Variants in AIPL1 observed in about 807,000 individuals in gnomAD.
AIPL1 encodes the protein AIP like 1 HSP90 co-chaperone.
Under a neutral mutation model 32.9 loss-of-function variants are expected in AIPL1, and 23 were observed. The observed-to-expected ratio is 0.70, with a 90% confidence interval of 0.50 to 0.99. The LOEUF (loss-of-function observed/expected upper bound fraction) is 0.99, where lower values mean the gene tolerates loss of function less well. AIPL1 is among the 50% of genes least tolerant of loss of function. The pLI, the probability that AIPL1 is intolerant of heterozygous loss-of-function variation, is 0.00. For missense variants in AIPL1, 485 were observed against 506.0 expected (o/e 0.96, Z 0.40); for synonymous variants, 210 against 209.4 (o/e 1.00, Z -0.02).
intron 5 of AIPL1, 117 bp downstream of exon 5, chr17:6,426,498 A>G: frequency 6.6e-7 from 1 of 1,523,804 alleles, no homozygotes; most frequent in Non-Finnish European, 8.8e-7. Context: ...GGCTGGGTGG[A>G]GACAAGGTTT....
chr17:6,430,694 G>A (rs1465095275), intron 2 of AIPL1, among the ~76,000 whole-genome samples: 3 of 152,144 alleles, frequency 2.0e-5, no homozygotes, highest in African/African-American at 7.2e-5. Context: ...TGTATCTTAT[G>A]GAGAGGGGGC....
chr17:6,429,250 A>G (rs1412547504), intron 2 of AIPL1, among the ~76,000 whole-genome samples: 1 of 152,122 alleles, frequency 6.6e-6, no homozygotes, highest in African/African-American at 2.4e-5. Flanking sequence ...AGTTTCCCCA[A>G]CTAGGCTCCC....
rs958469063 is a variant in AIPL1, at chr17:6,428,454, C to A, written c.329G>T (p.Gly110Val). ...CACGTGCCACTCTGTGGGGTCCTTG[C>A]CCTGGGCCATCTGCCTCAGGCTCCG... Reference protein sequence around the residue: ...LSRSLRQMAQGKDPTEWHVHT... With the variant: ...LSRSLRQMAQVKDPTEWHVHT... The change falls in exon 3 of 6, where the codon GGC becomes GTC. Residue 110 changes from glycine to valine, a missense_variant. Gly to Val is a moderately radical substitution (Grantham distance 109, BLOSUM62 -3). Coordinates refer to ENST00000381129, the MANE Select transcript of AIPL1 (RefSeq NM_014336.5). 6.2e-7 allele frequency: 1 copy of A among 1,613,876 alleles called. No homozygotes were observed. The highest frequency in any genetic ancestry group is 1.3e-5 in the African/African-American group (1 of 74,948).
rs545420958 is a variant in AIPL1 at position 6,434,449 on chromosome 17, C to G, written c.97-351G>C. On this transcript the variant is annotated intron_variant, in intron 1 of 5. Coordinates refer to ENST00000381129, the MANE Select transcript of AIPL1 (RefSeq NM_014336.5). Reference sequence around the variant, plus strand: ...TCTCGGCTCACTGCAACCTCCACCTCCTGGGCTCAAGTGATTCTCCTGCCT... The same window carrying G: ...TCTCGGCTCACTGCAACCTCCACCTGCTGGGCTCAAGTGATTCTCCTGCCT... Among the ~76,000 whole-genome samples the G allele has an allele frequency of 6.0e-5, 9 of 150,704 alleles. No individual in the cohort carries two copies. In the South Asian group the frequency reaches 1.3e-3, roughly 21 times the overall value.
chr17:6,427,184 C>G, intron 3 of AIPL1, 127 bp from the exon 4 acceptor site: 7 of 1,073,928 alleles, frequency 6.5e-6, no homozygotes, highest in Admixed American at 4.0e-5. Context: ...TGCATACAGA[C>G]AAGGGAAAGA....
intron 2 of AIPL1, among the ~76,000 whole-genome samples, chr17:6,430,329 A>T (rs976574443): frequency 1.3e-5 from 2 of 151,636 alleles, no homozygotes; most frequent in African/African-American, 4.8e-5. Context: ...GGTGGTGAGC[A>T]CCTATAATTC....
chr17:6,434,212 C>A, intron 1 of AIPL1, 114 bp from the exon 2 acceptor site: 1 of 1,234,488 alleles, frequency 8.1e-7, no homozygotes, highest in East Asian at 2.5e-5. Flanking sequence ...ACTCAGTTCA[C>A]CCCATCAGAT....
At chr17:6,431,697 G>A (rs973555548) in intron 2 of AIPL1, among the ~76,000 whole-genome samples, 2 of 152,204 alleles carry the variant, frequency 1.3e-5, no homozygotes, top group Non-Finnish European at 2.9e-5. Context: ...TAAAAGGTCA[G>A]TGGCCTCTGA....
Position 6,428,420 on chromosome 17 carries a change from G to A in AIPL1, c.363C>T (p.Cys121=), listed in dbSNP as rs765121760. 3.0e-5 allele frequency: 48 copies of A among 1,613,424 alleles called. No homozygotes were observed. The highest frequency in any genetic ancestry group is 8.3e-5 in the Admixed American group (5 of 60,014). Residue 121 remains cysteine, a synonymous_variant, in exon 3 of 6, where the codon TGC becomes TGT. Transcript: ENST00000381129. ...KDPTEWHVHT[C]GLANMFAYHT... ...GGTAGGCGAACATGTTGGCCAGCCC[G>A]CACGTGTGCACGTGCCACTCTGTGG... is the stretch of plus-strand genomic sequence containing the variant.
At chr17:6,429,350 C>G (rs891646652) in intron 2 of AIPL1, among the ~76,000 whole-genome samples, 2 of 152,240 alleles carry the variant, frequency 1.3e-5, no homozygotes, top group Admixed American at 1.3e-4. Context: ...AAACTCTATG[C>G]AGCAGTTCAG....
intron 2 of AIPL1, among the ~76,000 whole-genome samples, chr17:6,431,431 G>A (rs1195615690): frequency 6.6e-6 from 1 of 151,700 alleles, no homozygotes; most frequent in Non-Finnish European, 1.5e-5. Flanking sequence ...ACTCCAGCCT[G>A]GATGACAGAG....
chr17:6,428,279 G>T (rs899559926), intron 3 of AIPL1, 39 bp downstream of exon 3: 17 of 1,600,488 alleles, frequency 1.1e-5, no homozygotes, highest in Non-Finnish European at 1.4e-5. Context: ...CCTCTCCAGT[G>T]CTGGCACAGC....
chr17:6,433,578 G>T (rs1449431754), intron 2 of AIPL1, among the ~76,000 whole-genome samples: 1 of 116,106 alleles, frequency 8.6e-6, no homozygotes. Context: ...GTGACAGAGC[G>T]AGACCCTATC....
chr17:6,424,189 AG>A lies in AIPL1; in HGVS notation c.*1270del, dbSNP rs1352106718. The A allele has an allele frequency of 6.6e-6, 1 of 152,280 alleles. No individual in the cohort carries two copies. The highest frequency in any genetic ancestry group is 1.5e-5 in the Non-Finnish European group (1 of 68,080). 9.4% of individuals were successfully genotyped at this position (152,280 alleles called of 1,614,324 possible). A position where few individuals can be genotyped will look rare whatever the true frequency, so the allele number is the denominator to read the frequency against. On this transcript the variant is annotated 3_prime_UTR_variant, in exon 6 of 6. Coordinates refer to ENST00000381129, the MANE Select transcript of AIPL1 (RefSeq NM_014336.5). Reference sequence around the variant, plus strand: ...AGGCAGGCGGTGGAGCTTGGACACCAGACTAACTTGAAGATGAGCTAAAACA... The same window carrying A: ...AGGCAGGCGGTGGAGCTTGGACACCAACTAACTTGAAGATGAGCTAAAACA...
In AIPL1 at chr17:6,433,940, G is replaced by C. The variant is rs373283640; in HGVS notation, c.255C>G (p.Ala85=). Residue 85 remains alanine (A), a synonymous_variant, in exon 2 of 6, where the codon GCC becomes GCG. Transcript: ENST00000381129. ...TTACGATGGTGTCGCACCAGAACTC[G>C]GCCACCTCGTGCACCCGCATGGAGG... ...LLTSMRVHEV[A]EFWCDTIHTG... is the part of the protein sequence containing the mutation. 3.7e-6 allele frequency: 6 copies of C among 1,609,560 alleles called. No individual in the cohort carries two copies. In the East Asian group the frequency reaches 8.9e-5, roughly 24 times the overall value.
intron 2 of AIPL1, among the ~76,000 whole-genome samples, chr17:6,430,456 CAAAAAAAAAAAA>C (rs1169701817): frequency 2.2e-5 from 1 of 44,514 alleles, no homozygotes; most frequent in Non-Finnish European, 4.0e-5. Flanking sequence ...AAGTCCGTCT[CAAAAAAAAAAAA>C]AAAAAAAAAA....
In AIPL1 at chr17:6,433,982, G is replaced by A. The variant is rs1009822408; in HGVS notation, c.213C>T (p.Val71=). 2 of 1,613,944 alleles carry A rather than the reference G, an allele frequency of 1.2e-6. No homozygotes were observed. Among genetic ancestry groups the A allele is most frequent in the South Asian group, 2.2e-5 (2 of 91,066 alleles). Reference sequence around the variant, plus strand: ...GCATGGAGGTAAGCAGGATCTCCCAGACCTCGAGCTTGAACATGTTTCCGA... The same window carrying A: ...GCATGGAGGTAAGCAGGATCTCCCAAACCTCGAGCTTGAACATGTTTCCGA... ...IIIGNMFKLE[V]WEILLTSMRV... is the part of the protein sequence containing the mutation. The change falls in exon 2 of 6, where the codon GTC becomes GTT. Residue 71 remains valine, a synonymous_variant. Transcript: ENST00000381129.
intron 5 of AIPL1, chr17:6,426,134 T>G: frequency 7.7e-7 from 1 of 1,307,180 alleles, no homozygotes; most frequent in African/African-American, 1.5e-5. Context: ...CTCCCTCATA[T>G]GGTGATTATG....
Position 6,426,636 on chromosome 17 carries a change from C to A in AIPL1, c.763G>T (p.Asp255Tyr), listed in dbSNP as rs997988313. ...EYYEVLEHTS[D>Y]ILRHHPGIVK... ...GCACCTGGGTGGTGCCGGAGAATAT[C>A]ACTGGTGTGCTCCAGCACCTCATAG... The change falls in exon 5 of 6, where the codon GAT becomes TAT. Residue 255 changes from aspartate to tyrosine, a missense_variant. Physicochemically the swap from Asp to Tyr is radical, Grantham distance 160 (BLOSUM62 -3). Transcript: ENST00000381129. 6.2e-7 allele frequency: 1 copy of A among 1,614,142 alleles called. No individual in the cohort carries two copies. The highest frequency in any genetic ancestry group is 1.3e-5 in the African/African-American group (1 of 75,068).
Sources: allele counts gnomAD v4.1 joint callset (sites outside exome capture counted in the v4.1 genomes callset), GRCh38; gene constraint gnomAD v4.1.1; transcripts MANE v1.5; gene names NCBI Gene and HGNC (gene_info 2026-07-23, HGNC 2026-07-21).